RAC3: variants seen among roughly 807,000 people sequenced by gnomAD.
RAC3 encodes Rac family small GTPase 3, also known as ras-related C3 botulinum toxin substrate 3.
A neutral mutation model predicts 19.0 loss-of-function variants in RAC3; 9 were observed. The observed-to-expected ratio is 0.47, with a 90% CI of 0.29 to 0.83. The LOEUF (loss-of-function observed/expected upper bound fraction) is 0.83, where lower values mean the gene tolerates loss of function less well. Among genes scored for constraint, RAC3 ranks in the 40% least tolerant of loss-of-function variants. The probability of loss-of-function intolerance (pLI) is 0.09; values close to 1 mark genes in which losing one functional copy is unlikely to be tolerated. For missense variants in RAC3, 203 were observed against 260.8 expected (o/e 0.78, Z 1.53); for synonymous variants, 146 against 111.8 (o/e 1.31, Z -1.93).
Position 82,033,677 on chromosome 17 carries a change from C to T in RAC3, c.449-22C>T. On this transcript the variant is annotated intron_variant, in intron 5 of 5. Coordinates refer to ENST00000306897, the MANE Select transcript of RAC3 (RefSeq NM_005052.3). This position sits in a 1 kb window ranked among gnomAD's most constrained non-coding sequence, Gnocchi z 6.2. ...CCTCCCTGTACCCCACCCTCACTGT[C>T]TCCCCTCCTCACTGCCGCTAGGCTC... 6.2e-7 allele frequency: 1 copy of T among 1,607,876 alleles called. No homozygotes were observed. Among genetic ancestry groups the T allele is most frequent in the Non-Finnish European group, 8.5e-7 (1 of 1,175,900 alleles).
chr17:82,033,943 C>CG lies in RAC3; in HGVS notation c.*114_*115insG. On this transcript the variant is annotated 3_prime_UTR_variant, in exon 6 of 6. Coordinates refer to ENST00000306897, the MANE Select transcript of RAC3 (RefSeq NM_005052.3). This position sits in a 1 kb window ranked among gnomAD's most constrained non-coding sequence, Gnocchi z 6.2. Reference sequence around the variant, plus strand: ...GGCTGTGGGGAGCGGTGGGGGTGGGCCGGGGGGAAGCATGGGGATGAGGCT... The same window carrying CG: ...GGCTGTGGGGAGCGGTGGGGGTGGGCGCGGGGGGAAGCATGGGGATGAGGCT... The CG allele has an allele frequency of 7.3e-7, 1 of 1,364,598 alleles. No individual in the cohort carries two copies. Among genetic ancestry groups the CG allele is most frequent in the Non-Finnish European group, 9.8e-7 (1 of 1,017,858 alleles). 84.5% of individuals were successfully genotyped at this position (1,364,598 alleles called of 1,614,324 possible). A position where few individuals can be genotyped will look rare whatever the true frequency, so the allele number is the denominator to read the frequency against.
chr17:82,033,445 C>T lies in RAC3; in HGVS notation c.294C>T (p.Tyr98=), dbSNP rs1285126159. ...CAGAGCGTCTGTCCCTGCAGTGGTA[C>T]CCGGAGGTGCGGCACCACTGCCCCC... is the stretch of plus-strand genomic sequence containing the variant. ...ASFENVRAKW[Y]PEVRHHCPHT... Residue 98 remains tyrosine (Y), a synonymous_variant, in exon 5 of 6, where the codon TAC becomes TAT. Coordinates refer to ENST00000306897, the MANE Select transcript of RAC3 (RefSeq NM_005052.3). This position sits in a 1 kb window ranked among gnomAD's most constrained non-coding sequence, Gnocchi z 6.2. The T allele has an allele frequency of 2.5e-6, 4 of 1,602,420 alleles. No homozygotes were observed. The African/African-American group carries it at 4.0e-5, about 16-fold the overall frequency.
rs1200145227 is a variant in RAC3, at chr17:82,032,952, C to T, written c.231C>T (p.Val77=). 3 of 1,613,738 alleles carry T rather than the reference C, an allele frequency of 1.9e-6. No homozygotes were observed. Among genetic ancestry groups the T allele is most frequent in the Non-Finnish European group, 2.5e-6 (3 of 1,179,978 alleles). Residue 77 remains valine, a synonymous_variant, in exon 4 of 6, where the codon GTC becomes GTT. Transcript: ENST00000306897. ...GGTCCCACCTTTTTCCCAAGGACGT[C>T]TTTCTGATCTGCTTCTCTCTGGTGA... ...LRPLSYPQTD[V]FLICFSLVSP... is the part of the protein sequence containing the mutation.
intron 1 of RAC3, 191 bp from the exon 2 acceptor site, chr17:82,032,196 C>T: frequency 3.3e-6 from 2 of 606,912 alleles, no homozygotes; most frequent in Non-Finnish European, 5.8e-6. Flanking sequence ...TTATTCACCA[C>T]CCCAGCCCCC....
At position 82,031,678 on chromosome 17, in the gene RAC3, G is replaced by A; in HGVS notation, c.-84G>A. 1.2e-6 allele frequency: 1 copy of A among 847,262 alleles called. No homozygotes were observed. The highest frequency in any genetic ancestry group is 1.4e-6 in the Non-Finnish European group (1 of 706,366). The allele number at this position is 847,262 out of a possible 1,614,324, so 52.5% of individuals were successfully genotyped here. A position where few individuals can be genotyped will look rare whatever the true frequency, so the allele number is the denominator to read the frequency against. On this transcript the variant is annotated 5_prime_UTR_variant, in exon 1 of 6. Coordinates refer to ENST00000306897, the MANE Select transcript of RAC3 (RefSeq NM_005052.3). ...GGCTGTCTCCGGCCGATCGCTCGGC[G>A]CTCGGGTCCGCGGCCGCTGCGGCGC...
At chr17:82,032,358 G>A in intron 1 of RAC3, 29 bp from the exon 2 acceptor site, 1 of 1,611,032 alleles carries the variant, frequency 6.2e-7, no homozygotes, top group Admixed American at 1.7e-5. Flanking sequence ...GGCCGGGCCC[G>A]GGAGCCACGT....
At chr17:82,032,219 G>T in intron 1 of RAC3, 168 bp from the exon 2 acceptor site, 1 of 639,952 alleles carries the variant, frequency 1.6e-6, no homozygotes, top group East Asian at 2.8e-5. Context: ...AGCCCGGCCT[G>T]CCCAGGTCGT....
In RAC3 at chr17:82,033,474, C is replaced by T. The variant is rs765128571; in HGVS notation, c.323C>T (p.Thr108Met). 7 of 1,611,690 alleles carry T rather than the reference C, an allele frequency of 4.3e-6. No individual in the cohort carries two copies. The highest frequency in any genetic ancestry group is 1.1e-5 in the South Asian group (1 of 91,006). Reference sequence around the variant, plus strand: ...GAGGTGCGGCACCACTGCCCCCACACGCCCATCCTCCTGGTGGGCACCAAG... The same window carrying T: ...GAGGTGCGGCACCACTGCCCCCACATGCCCATCCTCCTGGTGGGCACCAAG... ...YPEVRHHCPH[T>M]PILLVGTKLD... is the part of the protein sequence containing the mutation. Residue 108 changes from threonine (T) to methionine (M), a missense_variant, in exon 5 of 6, where the codon ACG becomes ATG. Physicochemically the swap from Thr to Met is moderately conservative, Grantham distance 81 (BLOSUM62 -1). Transcript: ENST00000306897. This position sits in a 1 kb window ranked among gnomAD's most constrained non-coding sequence, Gnocchi z 6.2.
chr17:82,032,381 C>A lies in RAC3; in HGVS notation c.36-6C>A, dbSNP rs1026908105. The A allele has an allele frequency of 6.2e-7, 1 of 1,612,374 alleles. No individual in the cohort carries two copies. The highest frequency in any genetic ancestry group is 1.7e-5 in the Admixed American group (1 of 60,008). ...CCGGGAGCCACGTGGCTTGCCCTGT[C>A]CGCAGCGCCGTGGGGAAGACATGCT... On this transcript the variant is annotated splice_region_variant and splice_polypyrimidine_tract_variant and intron_variant, in intron 1 of 5. Transcript: ENST00000306897.
At position 82,033,097 on chromosome 17, in the gene RAC3, G is replaced by C. The variant is rs142234211; in HGVS notation, c.288+88G>C. 6.3e-3 allele frequency: 1 copy of C among 158 alleles called. No individual in the cohort carries two copies. Among genetic ancestry groups the C allele is most frequent in the Non-Finnish European group, 0.011 (1 of 90 alleles). The allele number at this position is 158 out of a possible 1,614,324, so 0.0% of individuals were successfully genotyped here. ...TGTCCTTTAGAGGCAATTGCGATAC[G>C]GGTTCTGCCTGGGGTAGGCACACGG... On this transcript the variant is annotated intron_variant, in intron 4 of 5. Transcript: ENST00000306897. This position sits in a 1 kb window ranked among gnomAD's most constrained non-coding sequence, Gnocchi z 6.2.
chr17:82,033,670 T>C lies in RAC3; in HGVS notation c.449-29T>C. 1.2e-6 allele frequency: 2 copies of C among 1,606,384 alleles called. No individual in the cohort carries two copies. Among genetic ancestry groups the C allele is most frequent in the African/African-American group, 2.7e-5 (2 of 74,858 alleles). On this transcript the variant is annotated intron_variant, in intron 5 of 5. Coordinates refer to ENST00000306897, the MANE Select transcript of RAC3 (RefSeq NM_005052.3). The surrounding 1 kb of genome is among the most constrained non-coding windows in gnomAD (Gnocchi z 6.2). Reference sequence around the variant, plus strand: ...GTAAGGGCCTCCCTGTACCCCACCCTCACTGTCTCCCCTCCTCACTGCCGC... The same window carrying C: ...GTAAGGGCCTCCCTGTACCCCACCCCCACTGTCTCCCCTCCTCACTGCCGC...
At position 82,033,717 on chromosome 17, in the gene RAC3, A is replaced by T; in HGVS notation, c.467A>T (p.Glu156Val). Residue 156 changes from glutamate to valine, a missense_variant, in exon 6 of 6, where the codon GAG becomes GTG. Coordinates refer to ENST00000306897, the MANE Select transcript of RAC3 (RefSeq NM_005052.3). The surrounding 1 kb of genome is among the most constrained non-coding windows in gnomAD (Gnocchi z 6.2). ...AREIGSVKYLECSALTQRGLK... is the reference protein window; with the variant it reads ...AREIGSVKYLVCSALTQRGLK... ...CCGCTAGGCTCTGTGAAATACCTGG[A>T]GTGCTCAGCCCTGACCCAGCGGGGC... The T allele has an allele frequency of 6.2e-7, 1 of 1,612,804 alleles. No homozygotes were observed. The highest frequency in any genetic ancestry group is 8.5e-7 in the Non-Finnish European group (1 of 1,179,688).
rs369866684 is a variant in RAC3 at position 82,032,391 on chromosome 17, G to A, written c.40G>A (p.Val14Met). Reference protein sequence around the residue: ...IKCVVVGDGAVGKTCLLISYT... With the variant: ...IKCVVVGDGAMGKTCLLISYT... ...CGTGGCTTGCCCTGTCCGCAGCGCC[G>A]TGGGGAAGACATGCTTGCTGATCAG... Residue 14 changes from valine (V) to methionine (M), a missense_variant, in exon 2 of 6, where the codon GTG becomes ATG. Physicochemically the swap from Val to Met is conservative, Grantham distance 21. Transcript: ENST00000306897. The A allele has an allele frequency of 1.2e-6, 2 of 1,612,690 alleles. No individual in the cohort carries two copies. The highest frequency in any genetic ancestry group is 1.7e-6 in the Non-Finnish European group (2 of 1,179,940).
chr17:82,032,362 GC>G, intron 1 of RAC3, 24 bp from the exon 2 acceptor site: 1 of 1,611,692 alleles, frequency 6.2e-7, no homozygotes, highest in Non-Finnish European at 8.5e-7. Flanking sequence ...GGGCCCGGGA[GC>G]CACGTGGCTT....
At chr17:82,032,891 G>A in intron 3 of RAC3, 56 bp from the exon 4 acceptor site, 1 of 1,610,152 alleles carries the variant, frequency 6.2e-7, no homozygotes, top group Non-Finnish European at 8.5e-7. Flanking sequence ...ACAAGGGAGG[G>A]AGCAGGGCCC....
chr17:82,031,731 G>T lies in RAC3; in HGVS notation c.-31G>T, dbSNP rs1379632737. On this transcript the variant is annotated 5_prime_UTR_variant, in exon 1 of 6. Coordinates refer to ENST00000306897, the MANE Select transcript of RAC3 (RefSeq NM_005052.3). ...GGCATTTCTCCGCAGCTCGGCTCGC[G>T]GCCGCGCCCGCCGCCGCCCGGCCCG... 1.2e-5 allele frequency: 12 copies of T among 989,844 alleles called. 1 individual carries two copies. The East Asian group carries it at 1.2e-3, about 100-fold the overall frequency. 61.3% of individuals were successfully genotyped at this position (989,844 alleles called of 1,614,324 possible).
chr17:82,033,289 C>T lies in RAC3; in HGVS notation c.289-151C>T. 1 of 1,017,038 alleles carries T rather than the reference C, an allele frequency of 9.8e-7. No homozygotes were observed. 63.0% of individuals were successfully genotyped at this position (1,017,038 alleles called of 1,614,324 possible). On this transcript the variant is annotated intron_variant, in intron 4 of 5. Transcript: ENST00000306897. The surrounding 1 kb of genome is among the most constrained non-coding windows in gnomAD (Gnocchi z 6.2). ...CTGCGTGTTTGTTCCTGGTATCTCCCCACCAAATCCGCCCCTGGTCACCCC... is the reference window on the plus strand; with the variant it reads ...CTGCGTGTTTGTTCCTGGTATCTCCTCACCAAATCCGCCCCTGGTCACCCC...
Position 82,033,357 on chromosome 17 carries a change from A to G in RAC3, c.289-83A>G. The G allele has an allele frequency of 7.1e-7, 1 of 1,414,664 alleles. No homozygotes were observed. The highest frequency in any genetic ancestry group is 9.4e-7 in the Non-Finnish European group (1 of 1,064,394). 87.6% of individuals were successfully genotyped at this position (1,414,664 alleles called of 1,614,324 possible). Reference sequence around the variant, plus strand: ...AAGTGTAGCTCTGGAACAGTGGGGAAAGTCCCTGAGGGCCGTGACTTGCTC... The same window carrying G: ...AAGTGTAGCTCTGGAACAGTGGGGAGAGTCCCTGAGGGCCGTGACTTGCTC... On this transcript the variant is annotated intron_variant, in intron 4 of 5. Transcript: ENST00000306897. The surrounding 1 kb of genome is among the most constrained non-coding windows in gnomAD (Gnocchi z 6.2).
In RAC3 at chr17:82,033,962, T is replaced by A. The variant is rs2043458779; in HGVS notation, c.*133T>A. 1.7e-6 allele frequency: 2 copies of A among 1,207,314 alleles called. No homozygotes were observed. Among genetic ancestry groups the A allele is most frequent in the Non-Finnish European group, 2.3e-6 (2 of 880,620 alleles). The allele number at this position is 1,207,314 out of a possible 1,614,324, so 74.8% of individuals were successfully genotyped here. A position where few individuals can be genotyped will look rare whatever the true frequency, so the allele number is the denominator to read the frequency against. On this transcript the variant is annotated 3_prime_UTR_variant, in exon 6 of 6. Coordinates refer to ENST00000306897, the MANE Select transcript of RAC3 (RefSeq NM_005052.3). The surrounding 1 kb of genome is among the most constrained non-coding windows in gnomAD (Gnocchi z 6.2). ...GGTGGGCCGGGGGGAAGCATGGGGA[T>A]GAGGCTGGGTGGCAGGATCCTGTCC...
Sources: gnomAD v4.1 joint callset for allele counts on GRCh38, gnomAD v4.1.1 for gene constraint, Gnocchi (gnomAD v3.1) non-coding constraint, MANE v1.5 for transcripts, NCBI Gene and HGNC (gene_info 2026-07-23, HGNC 2026-07-21) for gene names.